Variants in MAP3K21 observed in about 807,000 individuals in gnomAD.
MAP3K21 encodes the protein mitogen-activated protein kinase kinase kinase 21, also known as mitogen-activated protein kinase kinase kinase MLK4.
MAP3K21 carries 63 observed loss-of-function variants against 86.1 expected under a neutral mutation model. The observed-to-expected ratio is 0.73, with a 90% confidence interval of 0.60 to 0.90. The LOEUF (loss-of-function observed/expected upper bound fraction) is 0.90, where lower values mean the gene tolerates loss of function less well. MAP3K21 is among the 40% of genes least tolerant of loss of function. The pLI is 0.00. For missense variants in MAP3K21, 1,220 were observed against 1,367.7 expected (o/e 0.89, Z 1.70); for synonymous variants, 558 against 564.8 (o/e 0.99, Z 0.17).
intron 1 of MAP3K21, among the ~76,000 whole-genome samples, chr1:233,340,423 G>A (rs1663019660): frequency 1.3e-5 from 2 of 152,170 alleles, no homozygotes; most frequent in Non-Finnish European, 2.9e-5. Flanking sequence ...GTAGATTTTA[G>A]AAATGGCACA....
intron 1 of MAP3K21, among the ~76,000 whole-genome samples, chr1:233,338,333 C>T (rs910650235): frequency 6.6e-5 from 10 of 152,270 alleles, no homozygotes; most frequent in Non-Finnish European, 1.2e-4. Flanking sequence ...ATATTATATG[C>T]GGAACTCTCC....
At chr1:233,345,310 T>C (rs1663112859) in intron 1 of MAP3K21, among the ~76,000 whole-genome samples, 1 of 152,134 alleles carries the variant, frequency 6.6e-6, no homozygotes, top group Admixed American at 6.5e-5. Flanking sequence ...CTATTCACGA[T>C]AGCAACAACT....
Position 233,362,362 on chromosome 1 carries a change from A to G in MAP3K21, c.1552+69A>G, listed in dbSNP as rs113695035. The stretch of plus-strand genomic sequence containing the variant: ...TCCTTTTAATCAGTTTTCTTTGTTC[A>G]TCAGAACCAGGAAAGAGATAGGGAA... On this transcript the variant is annotated intron_variant, in intron 5 of 9. Coordinates refer to ENST00000366624, the MANE Select transcript of MAP3K21 (RefSeq NM_032435.3). 1,799 of 1,544,068 alleles carry G rather than the reference A, an allele frequency of 1.2e-3. 19 individuals carry two copies. The African/African-American group carries it at 0.022, about 19-fold the overall frequency.
Position 233,379,536 on chromosome 1 carries a change from G to A in MAP3K21, c.2530G>A (p.Gly844Arg). The change falls in exon 9 of 10, where the codon GGA (glycine) becomes AGA (arginine). Residue 844 changes from glycine (G) to arginine (R), a missense_variant. Around this residue, in one of 5 missense-constraint regions of MAP3K21, gnomAD observed 632 missense variants for 691.3 expected, o/e 0.91. Transcript: ENST00000366624. ...TCCGGATTTTTGTCCCACTGCCCCA[G>A]GAAGTGGTCGTGAGCCAGCCCTCAT... ...LTPDFCPTAP[G>R]SGREPALMPR... The A allele has an allele frequency of 6.2e-7, 1 of 1,614,218 alleles. No homozygotes were observed. Among genetic ancestry groups the A allele is most frequent in the Non-Finnish European group, 8.5e-7 (1 of 1,180,046 alleles).
intron 5 of MAP3K21, among the ~76,000 whole-genome samples, chr1:233,369,937 T>G (rs1369717842): frequency 6.6e-6 from 1 of 152,204 alleles, no homozygotes; most frequent in Non-Finnish European, 1.5e-5. Flanking sequence ...TTGCAGGGAC[T>G]TCCAGAATGT....
In MAP3K21 at chr1:233,354,889, C is replaced by G; in HGVS notation, c.1189C>G (p.Gln397Glu). ...IRPSFALILE[Q>E]LTAIEGAVMT... ...TCCATCGTTTGCCTTAATTCTCGAA[C>G]AGTTGACTGCTATTGAAGGGGCAGT... The change falls in exon 4 of 10, where the codon CAG (glutamine) becomes GAG (glutamate). Residue 397 changes from glutamine to glutamate, a missense_variant. This residue lies in a region of MAP3K21 where 126 missense variants were observed against 127.7 expected (regional missense o/e 0.99). Transcript: ENST00000366624. The G allele has an allele frequency of 6.2e-7, 1 of 1,613,998 alleles. No individual in the cohort carries two copies. Among genetic ancestry groups the G allele is most frequent in the Non-Finnish European group, 8.5e-7 (1 of 1,179,918 alleles).
Position 233,379,585 on chromosome 1 carries a change from G to C in MAP3K21, c.2579G>C (p.Ser860Thr), listed in dbSNP as rs780713959. 8.1e-6 allele frequency: 13 copies of C among 1,614,084 alleles called. No individual in the cohort carries two copies. The Admixed American group carries it at 2.0e-4, about 25-fold the overall frequency. Residue 860 changes from serine (S) to threonine (T), a missense_variant, in exon 9 of 10, where the codon AGT (serine) becomes ACT (threonine). By Grantham distance (58) the Ser-to-Thr change is moderately conservative. Transcript: ENST00000366624. ...ALMPRLDTDCSVSRNLPSSFL... is the reference protein window; with the variant it reads ...ALMPRLDTDCTVSRNLPSSFL... Reference sequence around the variant, plus strand: ...ATGCCAAGACTTGACACTGATTGTAGTGTATCAAGAAACTTGCCGTCTTCC... The same window carrying C: ...ATGCCAAGACTTGACACTGATTGTACTGTATCAAGAAACTTGCCGTCTTCC...
Position 233,379,581 on chromosome 1 carries a change from T to G in MAP3K21, c.2575T>G (p.Cys859Gly), listed in dbSNP as rs1165742801. The G allele has an allele frequency of 6.2e-7, 1 of 1,614,156 alleles. No individual in the cohort carries two copies. Among genetic ancestry groups the G allele is most frequent in the South Asian group, 1.1e-5 (1 of 91,080 alleles). The change falls in exon 9 of 10, where the codon TGT becomes GGT. Residue 859 changes from cysteine to glycine, a missense_variant. By Grantham distance (159) the Cys-to-Gly change is radical. This residue lies in a region of MAP3K21 where 632 missense variants were observed against 691.3 expected (regional missense o/e 0.91). Transcript: ENST00000366624. ...CCTCATGCCAAGACTTGACACTGAT[T>G]GTAGTGTATCAAGAAACTTGCCGTC... ...PALMPRLDTD[C>G]SVSRNLPSSF...
At chr1:233,358,474 T>C (rs983540150) in intron 4 of MAP3K21, among the ~76,000 whole-genome samples, 2 of 19,528 alleles carry the variant, frequency 1.0e-4, no homozygotes, top group African/African-American at 4.0e-4. Flanking sequence ...CTCTAATTTG[T>C]TTTTTTTTTT....
chr1:233,381,512 T>A (rs1000421519), intron 9 of MAP3K21, among the ~76,000 whole-genome samples: 5 of 152,230 alleles, frequency 3.3e-5, no homozygotes, highest in African/African-American at 1.2e-4. Context: ...AAAGCTATAT[T>A]AAGACAAACT....
chr1:233,339,476 T>TCTCCTCCTCCTTCTCCTCCTC (rs1662995019), intron 1 of MAP3K21, among the ~76,000 whole-genome samples: 3 of 94,006 alleles, frequency 3.2e-5, no homozygotes, highest in Non-Finnish European at 4.9e-5. Context: ...TTCTCCTTCT[T>TCTCCTCCTCCTTCTCCTCCTC]CTTCTTCTTC....
chr1:233,346,487 C>G lies in MAP3K21; in HGVS notation c.851C>G (p.Thr284Ser). 6.2e-7 allele frequency: 1 copy of G among 1,613,722 alleles called. No individual in the cohort carries two copies. Among genetic ancestry groups the G allele is most frequent in the East Asian group, 2.2e-5 (1 of 44,878 alleles). ...KIEHDDICNK[T>S]LKITDFGLAR... ...GAACATGATGACATCTGCAATAAAA[C>G]TTTGAAGATTACAGATTTTGGGTTG... is the stretch of plus-strand genomic sequence containing the variant. Residue 284 changes from threonine to serine, a missense_variant, in exon 2 of 10, where the codon ACT becomes AGT. By Grantham distance (58) the Thr-to-Ser change is moderately conservative. Coordinates refer to ENST00000366624, the MANE Select transcript of MAP3K21 (RefSeq NM_032435.3).
At chr1:233,365,493 G>T (rs1663555997) in intron 5 of MAP3K21, among the ~76,000 whole-genome samples, 1 of 152,148 alleles carries the variant, frequency 6.6e-6, no homozygotes, top group Non-Finnish European at 1.5e-5. Context: ...CTCAAAAGAA[G>T]ACATAAAAAT....
At chr1:233,358,794 CA>C (rs199976869) in intron 4 of MAP3K21, among the ~76,000 whole-genome samples, 85 of 145,558 alleles carry the variant, frequency 5.8e-4, no homozygotes, top group East Asian at 3.2e-3. Flanking sequence ...GACCCTGTCT[CA>C]AAAAAAAAAA....
rs761407122 is a variant in MAP3K21 at position 233,382,559 on chromosome 1, G to A, written c.2959G>A (p.Ala987Thr). 27 of 1,614,030 alleles carry A rather than the reference G, an allele frequency of 1.7e-5. No homozygotes were observed. Among genetic ancestry groups the A allele is most frequent in the Admixed American group, 8.3e-5 (5 of 59,990 alleles). Residue 987 changes from alanine (A) to threonine (T), a missense_variant, in exon 10 of 10, where the codon GCT (alanine) becomes ACT (threonine). By Grantham distance (58) the Ala-to-Thr change is moderately conservative. Transcript: ENST00000366624. ...AGGACCACATCCCACCCAATTCCTC[G>A]CTGCCAAGGAGAGAACTAAATCCCA... ...RPGPHPTQFLAAKERTKSHVP... is the reference protein window; with the variant it reads ...RPGPHPTQFLTAKERTKSHVP...
At chr1:233,370,893 C>T (rs1240523842) in intron 5 of MAP3K21, among the ~76,000 whole-genome samples, 5 of 152,228 alleles carry the variant, frequency 3.3e-5, no homozygotes, top group Non-Finnish European at 5.9e-5. Context: ...AAGTTAACCT[C>T]TGCTCTTACC....
chr1:233,331,797 G>A (rs1662812082), intron 1 of MAP3K21, among the ~76,000 whole-genome samples: 1 of 152,108 alleles, frequency 6.6e-6, no homozygotes, highest in Non-Finnish European at 1.5e-5. Context: ...ATCATATCTT[G>A]TGAGGGAATG....
At chr1:233,360,222 A>G (rs892641594) in intron 4 of MAP3K21, among the ~76,000 whole-genome samples, 1 of 152,230 alleles carries the variant, frequency 6.6e-6, no homozygotes, top group East Asian at 1.9e-4. Context: ...TCTGCCTCCA[A>G]ATACACTATA....
chr1:233,338,493 G>T (rs567325256), intron 1 of MAP3K21, among the ~76,000 whole-genome samples: 1 of 152,280 alleles, frequency 6.6e-6, no homozygotes, highest in African/African-American at 2.4e-5. Context: ...AACTAAAGTT[G>T]CAAAGGAGGA....
Sources: gnomAD v4.1 joint callset for allele counts (sites outside exome capture counted in the v4.1 genomes callset) on GRCh38, gnomAD v4.1.1 for gene constraint, gnomAD v4.1.1 regional missense constraint, MANE v1.5 for transcripts, NCBI Gene and HGNC (gene_info 2026-07-23, HGNC 2026-07-21) for gene names.